ATP5PD: variants seen among roughly 807,000 people sequenced by gnomAD.
ATP5PD encodes ATP synthase peripheral stalk subunit d.
In ATP5PD, 13 loss-of-function variants were observed where a neutral mutation model predicts 22.6. The observed-to-expected ratio is 0.58, with a 90% CI of 0.37 to 0.91. ATP5PD has a LOEUF of 0.91. ATP5PD is among the 40% of genes least tolerant of loss of function. ATP5PD has a pLI of 0.00. For synonymous variants in ATP5PD, 51 were observed against 65.0 expected, an observed-to-expected ratio of 0.79 and a Z score of 1.03; for missense variants, 165 against 188.0, an observed-to-expected ratio of 0.88 and a Z score of 0.72.
At chr17:75,046,660 C>CT (rs1265506404) in intron 1 of ATP5PD, among the ~76,000 whole-genome samples, 9 of 152,248 alleles carry the variant, frequency 5.9e-5, no homozygotes, top group Admixed American at 2.6e-4. Context: ...TGGGAGCGGA[C>CT]TGCACGAGAC....
intron 3 of ATP5PD, chr17:75,041,321 C>T (rs2073157253): frequency 6.7e-6 from 1 of 148,384 alleles, no homozygotes; most frequent in Non-Finnish European, 1.5e-5. Flanking sequence ...CGCCACTGCA[C>T]TCCAACCTGA....
chr17:75,046,652 G>A (rs904930527), intron 1 of ATP5PD, among the ~76,000 whole-genome samples: 2 of 152,246 alleles, frequency 1.3e-5, no homozygotes, highest in Admixed American at 6.5e-5. Flanking sequence ...TGCCGCGCTG[G>A]GAGCGGACTG....
intron 4 of ATP5PD, 174 bp from the exon 5 acceptor site, chr17:75,039,445 A>G (rs1021799647): frequency 3.4e-6 from 2 of 596,774 alleles, no homozygotes; most frequent in African/African-American, 3.7e-5. Flanking sequence ...TTTTCTTAAC[A>G]CTCACAGAGA....
rs1448983884 is a variant in ATP5PD, at chr17:75,042,171, G to A, written c.219+10C>T. The A allele has an allele frequency of 1.2e-5, 19 of 1,612,296 alleles. No individual in the cohort carries two copies. Among genetic ancestry groups the A allele is most frequent in the Non-Finnish European group, 1.5e-5 (18 of 1,178,858 alleles). On this transcript the variant is annotated intron_variant, in intron 3 of 5. Coordinates refer to ENST00000301587, the MANE Select transcript of ATP5PD (RefSeq NM_006356.3). The stretch of plus-strand genomic sequence containing the variant: ...TACAAGCTCAGTGCTTTAGAGGTGT[G>A]AAGTCTCACCTTCTTCTCAAAGTCA...
At chr17:75,042,822 A>AGTGAGTC (rs1257356634) in intron 1 of ATP5PD, among the ~76,000 whole-genome samples, 163 bp from the exon 2 acceptor site, 2 of 152,196 alleles carry the variant, frequency 1.3e-5, no homozygotes, top group African/African-American at 4.8e-5. Context: ...TGGAGGTTGC[A>AGTGAGTC]GTGAGTCGAG....
At position 75,042,571 on chromosome 17, in the gene ATP5PD, A is replaced by G; in HGVS notation, c.80T>C (p.Ile27Thr). The part of the protein sequence containing the change: ...AEIIPQNQKA[I>T]ASSLKSWNET... The stretch of plus-strand genomic sequence containing the variant: ...ATTCCAGGATTTCAGGGAACTAGCA[A>G]TGGCCTTTTGGTTCTGGGGTATGAT... Residue 27 changes from isoleucine to threonine, a missense_variant, in exon 2 of 6, where the codon ATT (isoleucine) becomes ACT (threonine). Ile to Thr is a moderately conservative substitution (Grantham distance 89). Coordinates refer to ENST00000301587, the MANE Select transcript of ATP5PD (RefSeq NM_006356.3). The G allele has an allele frequency of 6.2e-7, 1 of 1,612,880 alleles. No individual in the cohort carries two copies. The highest frequency in any genetic ancestry group is 2.2e-5 in the East Asian group (1 of 44,888).
At chr17:75,045,444 T>G (rs2073204181) in intron 1 of ATP5PD, among the ~76,000 whole-genome samples, 1 of 152,250 alleles carries the variant, frequency 6.6e-6, no homozygotes, top group South Asian at 2.1e-4. Flanking sequence ...GGGATCGCTA[T>G]GGGAGACTGG....
chr17:75,045,497 C>T (rs1228527683), intron 1 of ATP5PD, among the ~76,000 whole-genome samples: 1 of 152,208 alleles, frequency 6.6e-6, no homozygotes, highest in African/African-American at 2.4e-5. Context: ...GAGACAGGTA[C>T]GCCCCAGGGG....
At chr17:75,040,413 A>G (rs1050471495) in intron 3 of ATP5PD, 1 of 478,546 alleles carries the variant, frequency 2.1e-6, no homozygotes, top group African/African-American at 2.0e-5. Context: ...ACCCTGGACA[A>G]TTCTTTATGA....
chr17:75,039,206 T>C lies in ATP5PD; in HGVS notation c.354+3A>G, dbSNP rs574278619. 1.2e-6 allele frequency: 2 copies of C among 1,613,990 alleles called. No individual in the cohort carries two copies. Among genetic ancestry groups the C allele is most frequent in the East Asian group, 4.5e-5 (2 of 44,896 alleles). ...ATAGGCAACGGCTACCCATCATCCT[T>C]ACCTCTTTCTCATATTCTACAATCC... On this transcript the variant is annotated splice_donor_region_variant and intron_variant, in intron 5 of 5. Coordinates refer to ENST00000301587, the MANE Select transcript of ATP5PD (RefSeq NM_006356.3).
intron 1 of ATP5PD, among the ~76,000 whole-genome samples, chr17:75,043,039 T>C (rs2073176640): frequency 6.7e-6 from 1 of 149,754 alleles, no homozygotes; most frequent in South Asian, 2.1e-4. Flanking sequence ...ATGGCCAACA[T>C]GGCAAAACCC....
chr17:75,042,395 GATC>G (rs2073170380), intron 2 of ATP5PD, 118 bp from the exon 3 acceptor site: 1 of 1,499,002 alleles, frequency 6.7e-7, no homozygotes, highest in Non-Finnish European at 9.1e-7. Flanking sequence ...CCTCTCCTAA[GATC>G]ATCATGAAAA....
chr17:75,045,146 C>T (rs1053480268), intron 1 of ATP5PD, among the ~76,000 whole-genome samples: 2 of 151,752 alleles, frequency 1.3e-5, no homozygotes, highest in East Asian at 3.9e-4. Flanking sequence ...TGATGCCCCA[C>T]AAGCCACAAA....
intron 3 of ATP5PD, chr17:75,041,058 G>A (rs1567987193): frequency 6.6e-6 from 1 of 151,670 alleles, no homozygotes; most frequent in East Asian, 2.0e-4. Flanking sequence ...AGCTATAAGG[G>A]ACAGTTAAAA....
chr17:75,045,162 G>A (rs1241200618), intron 1 of ATP5PD, among the ~76,000 whole-genome samples: 1 of 152,206 alleles, frequency 6.6e-6, no homozygotes, highest in African/African-American at 2.4e-5. Context: ...ACAAAAACCA[G>A]CAAGTTTTTA....
chr17:75,039,109 A>G, intron 5 of ATP5PD, 46 bp from the exon 6 acceptor site: 1 of 1,612,554 alleles, frequency 6.2e-7, no homozygotes, highest in Non-Finnish European at 8.5e-7. Context: ...CAGAGACGGA[A>G]AGCAGAATAT....
At chr17:75,043,280 A>G (rs901425677) in intron 1 of ATP5PD, among the ~76,000 whole-genome samples, 6 of 152,100 alleles carry the variant, frequency 3.9e-5, no homozygotes, top group African/African-American at 1.4e-4. Flanking sequence ...TGTGGCATAC[A>G]AATACATTCT....
At chr17:75,041,964 C>A in intron 3 of ATP5PD, 1 of 458,464 alleles carries the variant, frequency 2.2e-6, no homozygotes, top group East Asian at 3.6e-5. Context: ...AGCCCTCTGG[C>A]TCCCAGATTA....
intron 2 of ATP5PD, 38 bp downstream of exon 2, chr17:75,042,491 G>C: frequency 6.3e-7 from 1 of 1,596,016 alleles, no homozygotes; most frequent in Non-Finnish European, 8.5e-7. Context: ...TCTAGATTCA[G>C]TGGCAAGTAT....
Sources: allele counts gnomAD v4.1 joint callset (sites outside exome capture counted in the v4.1 genomes callset), GRCh38; gene constraint gnomAD v4.1.1; transcripts MANE v1.5; gene names NCBI Gene and HGNC (gene_info 2026-07-23, HGNC 2026-07-21).